Variants in TJP1 observed in about 807,000 individuals in gnomAD.
TJP1 encodes the protein tight junction protein ZO-1.
A neutral mutation model predicts 194.2 loss-of-function variants in TJP1; 43 were observed. The ratio of observed to expected loss-of-function variants is 0.22; its 90% CI spans 0.17 to 0.29. The LOEUF (loss-of-function observed/expected upper bound fraction) is 0.29, where lower values mean the gene tolerates loss of function less well. Among genes scored for constraint, TJP1 ranks in the 10% least tolerant of loss-of-function variants. The pLI, the probability that TJP1 is intolerant of heterozygous loss-of-function variation, is 1.00. For missense variants in TJP1, 1,971 were observed against 2,185.7 expected, an observed-to-expected ratio of 0.90 and a Z score of 1.96; for synonymous variants, 801 against 779.0, an observed-to-expected ratio of 1.03 and a Z score of -0.47.
intron 1 of TJP1, chr15:29,968,239 T>C (rs2056397306): frequency 3.0e-6 from 3 of 985,400 alleles, no homozygotes; most frequent in Non-Finnish European, 3.6e-6. Context: ...GACGAATTTT[T>C]GGAAAATAAC....
At chr15:29,765,562 T>C (rs548422856) in intron 5 of TJP1, among the ~76,000 whole-genome samples, 1 of 152,084 alleles carries the variant, frequency 6.6e-6, no homozygotes, top group African/African-American at 2.4e-5. Context: ...TTCCTTAAAT[T>C]CCTCCATTTA....
At chr15:29,846,658 G>C (rs1012694143) in intron 2 of TJP1, among the ~76,000 whole-genome samples, 8 of 152,168 alleles carry the variant, frequency 5.3e-5, no homozygotes, top group African/African-American at 1.9e-4. Flanking sequence ...TGATGCGGTG[G>C]CTCACGTCTG....
At chr15:29,759,650 C>T (rs555897167) in intron 8 of TJP1, 5 of 152,318 alleles carry the variant, frequency 3.3e-5, no homozygotes, top group Non-Finnish European at 7.3e-5. Flanking sequence ...CCCCTGGTAA[C>T]CACCATTCTA....
At chr15:29,764,633 T>TG (rs2046218873) in intron 5 of TJP1, among the ~76,000 whole-genome samples, 1 of 151,756 alleles carries the variant, frequency 6.6e-6, no homozygotes, top group South Asian at 2.1e-4. Flanking sequence ...TCATCATGCA[T>TG]GGGAAAAAAA....
chr15:29,734,921 G>C (rs558825081), intron 11 of TJP1, among the ~76,000 whole-genome samples: 2 of 152,098 alleles, frequency 1.3e-5, no homozygotes, highest in African/African-American at 2.4e-5. Context: ...AGTGTGTCCT[G>C]ACATTAAAGA....
intron 27 of TJP1, 104 bp downstream of exon 27, chr15:29,704,056 CAG>C: frequency 8.1e-7 from 1 of 1,239,342 alleles, no homozygotes; most frequent in Non-Finnish European, 1.1e-6. Flanking sequence ...GCCACAGGAA[CAG>C]AGATAGAGAT....
rs1456573696 is a variant in TJP1 at position 29,716,841 on chromosome 15, A to G, written c.3975-3T>C. 7 of 1,590,708 alleles carry G rather than the reference A, an allele frequency of 4.4e-6. No homozygotes were observed. The highest frequency in any genetic ancestry group is 6.0e-6 in the Non-Finnish European group (7 of 1,162,572). ...GAGGTTTTTGAGGTTCTGGGATCCT[A>G]ACAGATAATGAATGACAAACGGAAC... On this transcript the variant is annotated splice_region_variant and splice_polypyrimidine_tract_variant and intron_variant, in intron 22 of 27. Coordinates refer to ENST00000614355, the MANE Select transcript of TJP1 (RefSeq NM_001330239.4).
At chr15:29,876,663 A>G (rs2052712845) in intron 2 of TJP1, among the ~76,000 whole-genome samples, 1 of 152,212 alleles carries the variant, frequency 6.6e-6, no homozygotes, top group Non-Finnish European at 1.5e-5. Flanking sequence ...CCTGCTCTAC[A>G]TGATGCAAGA....
chr15:29,812,500 C>A (rs1595989715), intron 1 of TJP1, among the ~76,000 whole-genome samples: 1 of 152,204 alleles, frequency 6.6e-6, no homozygotes, highest in African/African-American at 2.4e-5. Flanking sequence ...TTCCTTTAGA[C>A]AAACTGGCTT....
intron 2 of TJP1, among the ~76,000 whole-genome samples, chr15:29,922,332 ATC>A (rs2054392942): frequency 6.6e-6 from 1 of 152,138 alleles, no homozygotes; most frequent in South Asian, 2.1e-4. Flanking sequence ...AAAATTTTTA[ATC>A]TGTTTTCAAA....
intron 27 of TJP1, among the ~76,000 whole-genome samples, chr15:29,702,421 C>T (rs150988700): frequency 9.2e-5 from 14 of 152,238 alleles, no homozygotes; most frequent in South Asian, 2.1e-4. Flanking sequence ...AAGGCAGGGA[C>T]GACTATATGT....
intron 15 of TJP1, among the ~76,000 whole-genome samples, chr15:29,731,660 GCTTT>G (rs1238270770): frequency 6.6e-6 from 1 of 152,098 alleles, no homozygotes; most frequent in Non-Finnish European, 1.5e-5. Flanking sequence ...TTTTATAGTG[GCTTT>G]CTGATTTTTG....
intron 2 of TJP1, among the ~76,000 whole-genome samples, chr15:29,880,284 A>T (rs887114189): frequency 1.3e-5 from 2 of 152,312 alleles, no homozygotes; most frequent in Middle Eastern, 6.8e-3. Flanking sequence ...ATTTAAACAG[A>T]TTAACTGAGG....
At chr15:29,867,858 C>G (rs1377142725) in intron 2 of TJP1, among the ~76,000 whole-genome samples, 1 of 152,088 alleles carries the variant, frequency 6.6e-6, no homozygotes, top group Non-Finnish European at 1.5e-5. Context: ...GAGTTCCAGA[C>G]CAGCCTGGAC....
In TJP1 at chr15:29,916,536, C is replaced by A. The variant is rs574344076; in HGVS notation, c.306+39696G>T. ...CTATTAAAATTACATTTACTTCCTACAATAGAAAGCCAAAATGGAAACTAC... is the reference window on the plus strand; with the variant it reads ...CTATTAAAATTACATTTACTTCCTAAAATAGAAAGCCAAAATGGAAACTAC... On this transcript the variant is annotated intron_variant, in intron 2 of 28. Coordinates refer to the TJP1 transcript ENST00000356107. Among the ~76,000 whole-genome samples, 24 of 152,110 alleles carry A rather than the reference C, an allele frequency of 1.6e-4. No individual in the cohort carries two copies. The South Asian group carries it at 5.0e-3, about 32-fold the overall frequency.
At chr15:29,786,046 G>C (rs189712172) in intron 2 of TJP1, among the ~76,000 whole-genome samples, 1 of 152,288 alleles carries the variant, frequency 6.6e-6, no homozygotes, top group African/African-American at 2.4e-5. Context: ...ATTAGTTAGT[G>C]GTAAGCCCAA....
intron 2 of TJP1, among the ~76,000 whole-genome samples, chr15:29,920,813 C>T (rs1053063891): frequency 6.6e-6 from 1 of 152,096 alleles, no homozygotes; most frequent in African/African-American, 2.4e-5. Flanking sequence ...TCATTCGCAA[C>T]CTGAAGTCAA....
intron 3 of TJP1, among the ~76,000 whole-genome samples, chr15:29,772,478 C>T (rs1403465170): frequency 6.6e-6 from 1 of 152,182 alleles, no homozygotes; most frequent in African/African-American, 2.4e-5. Flanking sequence ...TTAAATGATA[C>T]TAAGTCATAC....
chr15:29,932,612 C>T (rs1033581706), intron 2 of TJP1, among the ~76,000 whole-genome samples: 2 of 151,906 alleles, frequency 1.3e-5, no homozygotes, highest in Non-Finnish European at 2.9e-5. Context: ...CCATAAAAGA[C>T]TGATAAAATG....
Sources: gnomAD v4.1 joint callset for allele counts (sites outside exome capture counted in the v4.1 genomes callset) on GRCh38, gnomAD v4.1.1 for gene constraint, MANE v1.5 for transcripts, NCBI Gene and HGNC (gene_info 2026-07-23, HGNC 2026-07-21) for gene names.